Variants in AK7 observed in about 807,000 individuals in gnomAD.
AK7 encodes adenylate kinase 7.
AK7 carries 78 observed loss-of-function variants against 96.6 expected under a neutral mutation model. The observed-to-expected ratio is 0.81, with a 90% CI of 0.67 to 0.97. AK7 has a LOEUF of 0.97. Among genes scored for constraint, AK7 ranks in the 50% least tolerant of loss-of-function variants. The probability of loss-of-function intolerance (pLI) is 0.00; values close to 1 mark genes in which losing one functional copy is unlikely to be tolerated. For missense variants in AK7, 855 were observed against 887.9 expected, an observed-to-expected ratio of 0.96 and a Z score of 0.47; for synonymous variants, 302 against 317.2, an observed-to-expected ratio of 0.95 and a Z score of 0.51.
chr14:96,420,720 GT>G (rs1419115891), intron 4 of AK7, 101 bp from the exon 5 acceptor site: 1 of 832,562 alleles, frequency 1.2e-6, no homozygotes, highest in African/African-American at 1.7e-5. Flanking sequence ...TCAAGCGGTA[GT>G]TTTAAGCTTT....
chr14:96,419,784 C>CTTTCTTT lies in AK7; in HGVS notation c.499-1035_499-1034insCTTTTTT, dbSNP rs1891563684. 2.8e-4 allele frequency among the ~76,000 whole-genome samples: 28 copies of CTTTCTTT among 101,686 alleles called. 1 individual carries two copies. The highest frequency in any genetic ancestry group is 1.3e-3 in the African/African-American group (28 of 21,120). 66.7% of individuals were successfully genotyped at this position (101,686 alleles called of 152,430 possible). A position where few individuals can be genotyped will look rare whatever the true frequency, so the allele number is the denominator to read the frequency against. On this transcript the variant is annotated intron_variant, in intron 4 of 17. Transcript: ENST00000267584. ...TCTCCTAAAGCATTTTTTTTTCTTT[C>CTTTCTTT]TTTTCTTTTTTTTTTTTTTTTGAGA...
Position 96,451,562 on chromosome 14 carries a change from GGATTGAT to G in AK7, c.1092_1098del (p.Leu365GlnfsTer32). Reference sequence around the variant, plus strand: ...CCTCAAGGAGTACAAGCAAAGCAGAGGATTGATGGTAACTATCACTGTTTCCCACTGA... The same window carrying G: ...CCTCAAGGAGTACAAGCAAAGCAGAGGGTAACTATCACTGTTTCCCACTGA... On this transcript the variant is annotated frameshift_variant and splice_region_variant, in exon 10 of 18. Coordinates refer to ENST00000267584, the MANE Select transcript of AK7 (RefSeq NM_152327.5). LOFTEE classifies it high-confidence loss of function. 6.6e-7 allele frequency: 1 copy of G among 1,519,200 alleles called. No homozygotes were observed. The highest frequency in any genetic ancestry group is 8.9e-7 in the Non-Finnish European group (1 of 1,125,414). 94.1% of individuals were successfully genotyped at this position (1,519,200 alleles called of 1,614,324 possible). A position where few individuals can be genotyped will look rare whatever the true frequency, so the allele number is the denominator to read the frequency against.
intron 5 of AK7, among the ~76,000 whole-genome samples, chr14:96,435,472 G>A (rs984532515): frequency 2.6e-5 from 4 of 152,054 alleles, no homozygotes; most frequent in African/African-American, 4.8e-5. Flanking sequence ...GAGTCTCTTC[G>A]GAGCCACGAG....
intron 8 of AK7, among the ~76,000 whole-genome samples, chr14:96,449,158 G>T (rs988802828): frequency 1.3e-5 from 2 of 152,074 alleles, no homozygotes; most frequent in South Asian, 2.1e-4. Context: ...TTTCCTAAAG[G>T]CCCCAGCTCC....
At chr14:96,401,901 A>G (rs1336850870) in intron 2 of AK7, among the ~76,000 whole-genome samples, 1 of 152,282 alleles carries the variant, frequency 6.6e-6, no homozygotes, top group East Asian at 1.9e-4. Context: ...ATGTACCTCT[A>G]TGACAGCCCT....
intron 5 of AK7, chr14:96,423,747 C>T: frequency 4.1e-6 from 3 of 723,424 alleles, no homozygotes; most frequent in South Asian, 2.7e-5. Context: ...TCCCACTCGG[C>T]CTGGTAACAC....
intron 12 of AK7, among the ~76,000 whole-genome samples, chr14:96,461,959 A>G (rs1183724747): frequency 6.6e-6 from 1 of 152,204 alleles, no homozygotes; most frequent in African/African-American, 2.4e-5. Context: ...GGCTTAACCT[A>G]ACAGTTAAGT....
At chr14:96,410,824 G>A (rs12434566) in intron 4 of AK7, among the ~76,000 whole-genome samples, 23,163 of 151,952 alleles carry the variant, frequency 0.15, 2,421 homozygotes, top group East Asian at 0.48. Context: ...GTAACAGGGC[G>A]AAACCACGTC....
chr14:96,473,060 C>T (rs1276417892), intron 14 of AK7, among the ~76,000 whole-genome samples: 3 of 152,004 alleles, frequency 2.0e-5, no homozygotes, highest in Non-Finnish European at 4.4e-5. Flanking sequence ...CCAGCCTGGG[C>T]GACAGAGACT....
At chr14:96,472,665 G>A (rs1457726773) in intron 13 of AK7, 22 bp from the exon 14 acceptor site, 1 of 1,590,760 alleles carries the variant, frequency 6.3e-7, no homozygotes. Flanking sequence ...TAAACACAAT[G>A]AGGAATATTT....
chr14:96,451,344 T>C (rs1823693365), intron 9 of AK7, 77 bp from the exon 10 acceptor site: 1 of 1,268,032 alleles, frequency 7.9e-7, no homozygotes. Context: ...CTTTAATAAC[T>C]GTAGTGATTT....
At chr14:96,439,244 A>G (rs1304669968) in intron 6 of AK7, among the ~76,000 whole-genome samples, 1 of 152,092 alleles carries the variant, frequency 6.6e-6, no homozygotes, top group Non-Finnish European at 1.5e-5. Context: ...GAGAAGAGAT[A>G]GGGGCCTGAG....
Position 96,392,206 on chromosome 14 carries a change from C to T in AK7, c.52C>T (p.Gln18Ter), listed in dbSNP as rs1326646433. 2 of 1,613,822 alleles carry T rather than the reference C, an allele frequency of 1.2e-6. No homozygotes were observed. The highest frequency in any genetic ancestry group is 1.1e-5 in the South Asian group (1 of 91,086). Residue 18 changes from glutamine (Q) to a stop codon, truncating the protein, a stop_gained, in exon 1 of 18, where the codon CAG becomes TAG. Transcript: ENST00000267584. LOFTEE classifies it high-confidence loss of function. ...AALTEKVIRTQRVFINLLDSY... is the reference protein window; with the variant it reads ...AALTEKVIRT Reference sequence around the variant, plus strand: ...TCTCACGGAGAAGGTTATCCGGACCCAGAGGGTGTTTATAAACCTGTTGGA... The same window carrying T: ...TCTCACGGAGAAGGTTATCCGGACCTAGAGGGTGTTTATAAACCTGTTGGA...
chr14:96,451,581 C>A lies in AK7; in HGVS notation c.1098+11C>A. On this transcript the variant is annotated intron_variant, in intron 10 of 17. Transcript: ENST00000267584. ...AGCAGAGGATTGATGGTAACTATCA[C>A]TGTTTCCCACTGAAACTTCTGATTC... The A allele has an allele frequency of 1.4e-6, 2 of 1,445,276 alleles. No individual in the cohort carries two copies. Among genetic ancestry groups the A allele is most frequent in the Non-Finnish European group, 1.8e-6 (2 of 1,085,106 alleles). The allele number at this position is 1,445,276 out of a possible 1,614,324, so 89.5% of individuals were successfully genotyped here. A position where few individuals can be genotyped will look rare whatever the true frequency, so the allele number is the denominator to read the frequency against.
intron 5 of AK7, among the ~76,000 whole-genome samples, chr14:96,427,316 T>C (rs1206215080): frequency 6.6e-6 from 1 of 152,142 alleles, no homozygotes; most frequent in Non-Finnish European, 1.5e-5. Context: ...GGAAGCATGT[T>C]TGGGGAGGCC....
At chr14:96,474,617 C>T (rs1386578864) in intron 14 of AK7, among the ~76,000 whole-genome samples, 1 of 151,816 alleles carries the variant, frequency 6.6e-6, no homozygotes, top group East Asian at 1.9e-4. Flanking sequence ...AGAGCAAGAA[C>T]CGGTCTCAAA....
chr14:96,414,656 GCGCTATGTCTGGCCA>G (rs1891220061), intron 4 of AK7, among the ~76,000 whole-genome samples: 1 of 152,120 alleles, frequency 6.6e-6, no homozygotes, highest in Non-Finnish European at 1.5e-5. Flanking sequence ...GGTGTGGTAG[GCGCTATGTCTGGCCA>G]CGAAGGTGGC....
intron 12 of AK7, among the ~76,000 whole-genome samples, chr14:96,470,413 G>A (rs1894819927): frequency 6.6e-6 from 1 of 152,186 alleles, no homozygotes; most frequent in Non-Finnish European, 1.5e-5. Context: ...TACACATTAA[G>A]CAAGGTAAGG....
rs760985683 is a variant in AK7, at chr14:96,392,259, G to A, written c.105G>A (p.Lys35=). The change falls in exon 1 of 18, where the codon AAG becomes AAA. Residue 35 remains lysine (K), a splice_region_variant and synonymous_variant. Transcript: ENST00000267584. ...LDSYSSGNIG[K]FLSNCVVGAS... is the part of the protein sequence containing the mutation. The stretch of plus-strand genomic sequence containing the variant: ...CCTACAGCAGCGGAAACATCGGGAA[G>A]GTGAGCGGCGGCGGCGGCCCAGAGC... The A allele has an allele frequency of 1.9e-6, 3 of 1,610,900 alleles. No homozygotes were observed. In the East Asian group the frequency reaches 6.7e-5, roughly 36 times the overall value.
Sources: allele counts gnomAD v4.1 joint callset (sites outside exome capture counted in the v4.1 genomes callset), GRCh38; gene constraint gnomAD v4.1.1; transcripts MANE v1.5; gene names NCBI Gene and HGNC (gene_info 2026-07-23, HGNC 2026-07-21).